ZNF138: variants seen among roughly 807,000 people sequenced by gnomAD.
ZNF138 encodes the protein zinc finger protein 138, also known as zinc finger protein 138 (clone pHZ-32).
Under a neutral mutation model 33.0 loss-of-function variants are expected in ZNF138, and 33 were observed. The observed-to-expected ratio is 1.00, with a 90% CI of 0.76 to 1.34. ZNF138 has a LOEUF of 1.34. Ranked by LOEUF, ZNF138 falls within the 40% of genes most tolerant of loss-of-function variation. The probability of loss-of-function intolerance (pLI) is 0.00; values close to 1 mark genes in which losing one functional copy is unlikely to be tolerated. For synonymous variants in ZNF138, 139 were observed against 120.4 expected (o/e 1.15, Z -1.01); for missense variants, 360 against 370.8 (o/e 0.97, Z 0.24).
chr7:64,797,779 T>A (rs1014472266), intron 1 of ZNF138, among the ~76,000 whole-genome samples: 10 of 152,126 alleles, frequency 6.6e-5, no homozygotes, highest in African/African-American at 1.9e-4. Context: ...TTTTAAAAAA[T>A]TCTAAAATAC....
At chr7:64,839,028 A>C in the ZNF138 span, among the ~76,000 whole-genome samples, 1 of 152,176 alleles carries the variant, frequency 6.6e-6, no homozygotes, top group African/African-American at 2.4e-5. Flanking sequence ...GGCTAGCCAG[A>C]GGGACTTGTG....
intron 1 of ZNF138, among the ~76,000 whole-genome samples, chr7:64,804,210 G>A (rs1787386797): frequency 6.6e-6 from 1 of 152,194 alleles, no homozygotes; most frequent in Non-Finnish European, 1.5e-5. Context: ...GGTAGTTAAA[G>A]ATTGACCCCT....
chr7:64,816,109 A>G (rs563045544), intron 3 of ZNF138, among the ~76,000 whole-genome samples: 1 of 152,232 alleles, frequency 6.6e-6, no homozygotes, highest in South Asian at 2.1e-4. Context: ...TAGTTTTAAA[A>G]TGTAGTTTGA....
At chr7:64,797,522 G>T (rs1310047547) in intron 1 of ZNF138, among the ~76,000 whole-genome samples, 10 of 152,094 alleles carry the variant, frequency 6.6e-5, no homozygotes, top group Non-Finnish European at 1.5e-4. Flanking sequence ...GGGAAGGGAG[G>T]TTATTAAAGG....
intron 3 of ZNF138, among the ~76,000 whole-genome samples, chr7:64,816,884 C>G (rs958541828): frequency 5.9e-5 from 9 of 152,194 alleles, no homozygotes. Flanking sequence ...AGGGGTGTCG[C>G]TTGGTCACAA....
At chr7:64,814,450 C>T (rs1214668383) in intron 1 of ZNF138, among the ~76,000 whole-genome samples, 1 of 152,122 alleles carries the variant, frequency 6.6e-6, no homozygotes, top group Admixed American at 6.6e-5. Flanking sequence ...GCAAGAAGTA[C>T]ATTAGAAAAT....
the ZNF138 span, among the ~76,000 whole-genome samples, chr7:64,858,270 G>A: frequency 6.6e-6 from 1 of 152,122 alleles, no homozygotes; most frequent in South Asian, 2.1e-4. Flanking sequence ...TACTTACATT[G>A]ACTAATAGTG....
At chr7:64,829,704 C>T (rs989933980) in intron 3 of ZNF138, among the ~76,000 whole-genome samples, 3 of 150,584 alleles carry the variant, frequency 2.0e-5, no homozygotes, top group African/African-American at 7.3e-5. Context: ...AATTTTTATG[C>T]TTTTATCTTT....
At chr7:64,801,177 C>T (rs1787111270) in intron 1 of ZNF138, among the ~76,000 whole-genome samples, 1 of 152,026 alleles carries the variant, frequency 6.6e-6, no homozygotes, top group Admixed American at 6.6e-5. Flanking sequence ...TTCAGTACAG[C>T]TCTTGTTATT....
At chr7:64,815,696 A>G (rs1241008347) in intron 3 of ZNF138, 43 bp downstream of exon 3, 8 of 1,560,798 alleles carry the variant, frequency 5.1e-6, no homozygotes, top group African/African-American at 1.4e-5. Context: ...TGAGAGGTCA[A>G]AGGCCAAGGA....
intron 1 of ZNF138, among the ~76,000 whole-genome samples, chr7:64,805,411 C>CAAAACA (rs71061310): frequency 5.2e-4 from 66 of 127,014 alleles, no homozygotes; most frequent in African/African-American, 1.1e-3. Flanking sequence ...AAAAACAAAA[C>CAAAACA]AAAAAAAAAA....
downstream of ZNF138, among the ~76,000 whole-genome samples, chr7:64,833,864 A>G (rs1260939444): frequency 2.6e-5 from 4 of 152,222 alleles, no homozygotes; most frequent in East Asian, 7.7e-4. Flanking sequence ...AGCTGGGACT[A>G]CAGGCATGTA....
chr7:64,826,609 ATATAT>A (rs1380866203), intron 3 of ZNF138, among the ~76,000 whole-genome samples: 1 of 149,502 alleles, frequency 6.7e-6, no homozygotes, highest in African/African-American at 2.5e-5. Context: ...GTATTTATTA[ATATAT>A]TAATATTTCA....
In ZNF138 at chr7:64,830,991, G is replaced by A. The variant is rs1244746198; in HGVS notation, c.209-460G>A. The A allele has an allele frequency of 3.2e-6, 5 of 1,551,524 alleles. No individual in the cohort carries two copies. The African/African-American group carries it at 5.5e-5, about 17-fold the overall frequency. ...GGACTCAACATTTTGTCATTCCAAAGTATCCTGCCATTTGTTTCAGCACTT... is the reference window on the plus strand; with the variant it reads ...GGACTCAACATTTTGTCATTCCAAAATATCCTGCCATTTGTTTCAGCACTT... On this transcript the variant is annotated intron_variant, in intron 3 of 3. Coordinates refer to ENST00000307355, the MANE Select transcript of ZNF138 (RefSeq NM_001271639.2).
intron 1 of ZNF138, among the ~76,000 whole-genome samples, chr7:64,809,647 C>G (rs1373412169): frequency 6.7e-6 from 1 of 149,862 alleles, no homozygotes; most frequent in Non-Finnish European, 1.5e-5. Flanking sequence ...CGGAGACGCT[C>G]CTCACTTCCC....
intron 3 of ZNF138, among the ~76,000 whole-genome samples, chr7:64,823,226 A>G (rs1234456062): frequency 1.3e-5 from 2 of 152,008 alleles, no homozygotes; most frequent in Non-Finnish European, 2.9e-5. Flanking sequence ...GTTGAAGAGT[A>G]TGTTTTATTT....
At chr7:64,807,961 A>G (rs1787747003) in intron 1 of ZNF138, among the ~76,000 whole-genome samples, 1 of 152,170 alleles carries the variant, frequency 6.6e-6, no homozygotes, top group South Asian at 2.1e-4. Context: ...CATTTTACGC[A>G]AGAGCTAGCC....
the ZNF138 span, among the ~76,000 whole-genome samples, chr7:64,844,844 G>T: frequency 6.6e-6 from 1 of 152,024 alleles, no homozygotes; most frequent in East Asian, 1.9e-4. Flanking sequence ...AAGCCACCTC[G>T]CTCAGCTAAT....
At chr7:64,852,421 C>T in the ZNF138 span, 1 of 1,563,766 alleles carries the variant, frequency 6.4e-7, no homozygotes, top group East Asian at 2.2e-5. Context: ...GTGTGGGATT[C>T]ACATTTTGAG....
Sources: gnomAD v4.1 joint callset for allele counts (sites outside exome capture counted in the v4.1 genomes callset) on GRCh38, gnomAD v4.1.1 for gene constraint, MANE v1.5 for transcripts, NCBI Gene and HGNC (gene_info 2026-07-23, HGNC 2026-07-21) for gene names.